The following INPP4B variants were observed in gnomAD, a reference collection of about 807,000 sequenced individuals.
INPP4B encodes the protein inositol polyphosphate 4-phosphatase type II.
INPP4B carries 55 observed loss-of-function variants against 122.5 expected under a neutral mutation model. The observed-to-expected ratio is 0.45, with a 90% CI of 0.36 to 0.56. The LOEUF is 0.56. Ranked by LOEUF, INPP4B falls within the 20% of genes least tolerant of loss-of-function variation. The pLI is 0.00. For missense variants in INPP4B, 1,000 were observed against 1,097.7 expected, an observed-to-expected ratio of 0.91 and a Z score of 1.26; for synonymous variants, 403 against 388.7, an observed-to-expected ratio of 1.04 and a Z score of -0.43.
intron 1 of INPP4B, among the ~76,000 whole-genome samples, chr4:142,778,125 C>T (rs1774217175): frequency 6.6e-6 from 1 of 152,158 alleles, no homozygotes; most frequent in African/African-American, 2.4e-5. Flanking sequence ...ACATACTCAT[C>T]TGGAGAAAAC....
chr4:142,691,542 A>G (rs1313802697), intron 2 of INPP4B, among the ~76,000 whole-genome samples: 1 of 152,160 alleles, frequency 6.6e-6, no homozygotes, highest in Non-Finnish European at 1.5e-5. Flanking sequence ...GCAAGTATTA[A>G]TAAAATCCAG....
chr4:142,452,156 T>C (rs1386715986), intron 3 of INPP4B, among the ~76,000 whole-genome samples: 3 of 152,186 alleles, frequency 2.0e-5, no homozygotes, highest in African/African-American at 7.2e-5. Context: ...ATGTGGTGTT[T>C]GGTTTTCTGT....
chr4:142,232,113 TAAGAAA>T (rs769600776), intron 12 of INPP4B, among the ~76,000 whole-genome samples: 6 of 152,212 alleles, frequency 3.9e-5, no homozygotes, highest in African/African-American at 7.2e-5. Flanking sequence ...TCTTGCCCTT[TAAGAAA>T]AAGTTTTTGC....
chr4:142,544,982 T>G (rs548704301), intron 2 of INPP4B, among the ~76,000 whole-genome samples: 1 of 152,338 alleles, frequency 6.6e-6, no homozygotes, highest in South Asian at 2.1e-4. Context: ...GTAAATTTTA[T>G]GGTTACATTC....
intron 1 of INPP4B, among the ~76,000 whole-genome samples, chr4:142,843,855 C>T (rs1490378031): frequency 6.6e-6 from 1 of 151,884 alleles, no homozygotes; most frequent in East Asian, 1.9e-4. Flanking sequence ...ACTTTGTTAC[C>T]CATCTGGGGA....
At chr4:142,101,720 T>A (rs1295843394) in intron 23 of INPP4B, among the ~76,000 whole-genome samples, 1 of 152,162 alleles carries the variant, frequency 6.6e-6, no homozygotes. Context: ...TGTATCAATT[T>A]GTAAGTTTAT....
chr4:142,828,340 G>T (rs893083454), intron 1 of INPP4B, among the ~76,000 whole-genome samples: 11 of 151,962 alleles, frequency 7.2e-5, no homozygotes, highest in African/African-American at 2.7e-4. Context: ...GTGAAATATC[G>T]TCCATAAAAG....
intron 5 of INPP4B, among the ~76,000 whole-genome samples, chr4:142,412,359 T>G (rs2149252055): frequency 6.6e-6 from 1 of 152,270 alleles, no homozygotes; most frequent in African/African-American, 2.4e-5. Context: ...TTATTCTTCC[T>G]TCCCCTCAAG....
intron 15 of INPP4B, among the ~76,000 whole-genome samples, chr4:142,175,737 C>A (rs1404415974): frequency 6.6e-6 from 1 of 152,032 alleles, no homozygotes; most frequent in African/African-American, 2.4e-5. Flanking sequence ...GTAGTAAGGA[C>A]TTTACAAAAG....
chr4:142,270,798 G>A (rs2150569500), intron 9 of INPP4B, 24 bp from the exon 10 acceptor site: 1 of 1,487,762 alleles, frequency 6.7e-7, no homozygotes, highest in African/African-American at 1.4e-5. Context: ...TACACGAAAT[G>A]GAAAGGTAAG....
intron 25 of INPP4B, among the ~76,000 whole-genome samples, chr4:142,034,515 G>A (rs530087067): frequency 2.6e-5 from 4 of 151,796 alleles, no homozygotes; most frequent in Admixed American, 1.3e-4. Flanking sequence ...TATTACTCAC[G>A]CAACCCCCAT....
intron 1 of INPP4B, among the ~76,000 whole-genome samples, chr4:142,819,921 G>T (rs993451099): frequency 5.9e-5 from 9 of 151,976 alleles, no homozygotes; most frequent in African/African-American, 1.7e-4. Context: ...CAGTGAATCT[G>T]CCTCGAGCCG....
At chr4:142,511,808 T>C (rs1824753547) in intron 2 of INPP4B, among the ~76,000 whole-genome samples, 1 of 152,134 alleles carries the variant, frequency 6.6e-6, no homozygotes, top group Non-Finnish European at 1.5e-5. Flanking sequence ...TAAAAGAATA[T>C]TTGCATATAT....
chr4:142,038,817 A>G (rs1283924796), intron 25 of INPP4B, among the ~76,000 whole-genome samples: 3 of 152,170 alleles, frequency 2.0e-5, no homozygotes, highest in Non-Finnish European at 4.4e-5. Flanking sequence ...GAGATCGCCT[A>G]TGTATCATGT....
At chr4:142,486,105 T>C (rs1580186001) in intron 2 of INPP4B, among the ~76,000 whole-genome samples, 1 of 152,094 alleles carries the variant, frequency 6.6e-6, no homozygotes, top group Admixed American at 6.6e-5. Context: ...GGATCCTAGA[T>C]CCCTGTGTGA....
At chr4:142,127,318 A>G (rs939127735) in intron 18 of INPP4B, among the ~76,000 whole-genome samples, 4 of 152,192 alleles carry the variant, frequency 2.6e-5, no homozygotes, top group Non-Finnish European at 5.9e-5. Context: ...TTAAGTGACA[A>G]TTCTAATTAA....
intron 2 of INPP4B, among the ~76,000 whole-genome samples, chr4:142,558,793 TAAAAAAAAAAA>T (rs34151070): frequency 0.37 from 28,454 of 76,258 alleles, 4,706 homozygotes; most frequent in East Asian, 0.8. Context: ...AGACTCCCTC[TAAAAAAAAAAA>T]AAAAAAAAAA....
chr4:142,550,616 ATATATTT>A (rs1374725541), intron 2 of INPP4B, among the ~76,000 whole-genome samples: 2 of 7,924 alleles, frequency 2.5e-4, no homozygotes, highest in Admixed American at 6.1e-3. Context: ...ATATATATAT[ATATATTT>A]TTTTTTTTAC....
chr4:142,193,024 T>C (rs1366616956), intron 15 of INPP4B, 63 bp downstream of exon 15: 4 of 974,460 alleles, frequency 4.1e-6, no homozygotes, highest in South Asian at 1.3e-5. Flanking sequence ...ACCTTGTATA[T>C]AGACTTCCCC....
Sources: gnomAD v4.1 joint callset for allele counts (sites outside exome capture counted in the v4.1 genomes callset) on GRCh38, gnomAD v4.1.1 for gene constraint, MANE v1.5 for transcripts, NCBI Gene and HGNC (gene_info 2026-07-23, HGNC 2026-07-21) for gene names.